COL24A1: variants seen among roughly 807,000 people sequenced by gnomAD.
COL24A1 encodes collagen type XXIV alpha 1 chain.
Under a neutral mutation model 253.9 loss-of-function variants are expected in COL24A1, and 224 were observed. That is an observed-to-expected ratio of 0.88 (90% confidence interval 0.79 to 0.99). The LOEUF is 0.99. Ranked by LOEUF, COL24A1 falls within the 50% of genes least tolerant of loss-of-function variation. COL24A1 has a pLI of 0.00. For synonymous variants in COL24A1, 685 were observed against 673.7 expected, an observed-to-expected ratio of 1.02 and a Z score of -0.26; for missense variants, 2,131 against 2,068.5, an observed-to-expected ratio of 1.03 and a Z score of -0.59.
chr1:86,060,321 T>C (rs1314525049), intron 8 of COL24A1, among the ~76,000 whole-genome samples: 1 of 152,188 alleles, frequency 6.6e-6, no homozygotes, highest in Admixed American at 6.5e-5. Flanking sequence ...GTTGAGCTGA[T>C]GACAACAATG....
intron 28 of COL24A1, among the ~76,000 whole-genome samples, chr1:85,901,487 T>C (rs1341536571): frequency 3.9e-5 from 6 of 151,978 alleles, no homozygotes; most frequent in Non-Finnish European, 8.8e-5. Context: ...ATAGCCACTA[T>C]GGAAAAGAGT....
chr1:86,153,450 T>TAA (rs1003347181), intron 1 of COL24A1, among the ~76,000 whole-genome samples: 1 of 152,220 alleles, frequency 6.6e-6, no homozygotes, highest in Non-Finnish European at 1.5e-5. Context: ...AATGACAGAA[T>TAA]AATGTTAGCC....
intron 11 of COL24A1, among the ~76,000 whole-genome samples, chr1:86,048,349 T>C (rs1015211814): frequency 2.0e-5 from 3 of 152,186 alleles, no homozygotes; most frequent in Non-Finnish European, 4.4e-5. Flanking sequence ...ACTTAAACAT[T>C]TTATAACGTA....
chr1:85,956,856 A>G (rs1349757753), intron 24 of COL24A1, among the ~76,000 whole-genome samples: 1 of 152,186 alleles, frequency 6.6e-6, no homozygotes, highest in African/African-American at 2.4e-5. Flanking sequence ...TATCCTACTC[A>G]TGAAGAAAGC....
chr1:86,134,384 C>A (rs1649863995), intron 2 of COL24A1, among the ~76,000 whole-genome samples: 1 of 151,766 alleles, frequency 6.6e-6, no homozygotes, highest in Non-Finnish European at 1.5e-5. Context: ...TTCTTGCTTT[C>A]TGCTAGCTTT....
At chr1:85,866,032 G>C (rs1679752941) in intron 37 of COL24A1, among the ~76,000 whole-genome samples, 1 of 152,156 alleles carries the variant, frequency 6.6e-6, no homozygotes, top group Non-Finnish European at 1.5e-5. Flanking sequence ...GGAGGCCAAA[G>C]TAGGGGGATC....
intron 12 of COL24A1, among the ~76,000 whole-genome samples, chr1:86,039,117 G>A (rs1257850395): frequency 6.6e-6 from 1 of 150,874 alleles, no homozygotes; most frequent in African/African-American, 2.5e-5. Flanking sequence ...AATGACAGAG[G>A]CACTCAAGTA....
At position 85,823,576 on chromosome 1, in the gene COL24A1, T is replaced by A; in HGVS notation, c.3749A>T (p.Asp1250Val). ...TCCTTTTAGTCCTTGTTCACCCTGG[T>A]CACCTGGTTCGCCCTTTAGTAGAAA... ...GQQGPPGEPG[D>V]QGEQGLKGER... The change falls in exon 45 of 60, where the codon GAC (aspartate) becomes GTC (valine). Residue 1250 changes from aspartate (D) to valine (V), a missense_variant. Coordinates refer to ENST00000370571, the MANE Select transcript of COL24A1 (RefSeq NM_152890.7). 1 of 1,614,030 alleles carries A rather than the reference T, an allele frequency of 6.2e-7. No individual in the cohort carries two copies. The highest frequency in any genetic ancestry group is 8.5e-7 in the Non-Finnish European group (1 of 1,179,938).
chr1:85,787,228 G>A (rs994906476), intron 47 of COL24A1, among the ~76,000 whole-genome samples: 5 of 151,470 alleles, frequency 3.3e-5, no homozygotes, highest in South Asian at 4.2e-4. Context: ...TTAAGTTTCC[G>A]GGTACATGCG....
rs534428849 is a variant in COL24A1, at chr1:86,151,645, C to T, written c.56+4696G>A. On this transcript the variant is annotated intron_variant, in intron 1 of 59. Coordinates refer to ENST00000370571, the MANE Select transcript of COL24A1 (RefSeq NM_152890.7). ...ACTCAGAACATGTAAATGACTAATACCCATTCCAGGCATCGTTCCTAGATG... is the reference window on the plus strand; with the variant it reads ...ACTCAGAACATGTAAATGACTAATATCCATTCCAGGCATCGTTCCTAGATG... 1.4e-4 allele frequency among the ~76,000 whole-genome samples: 22 copies of T among 152,252 alleles called. No individual in the cohort carries two copies. In the South Asian group the frequency reaches 4.1e-3, roughly 29 times the overall value.
At chr1:86,143,306 A>T (rs914025819) in intron 2 of COL24A1, among the ~76,000 whole-genome samples, 4 of 152,210 alleles carry the variant, frequency 2.6e-5, no homozygotes, top group African/African-American at 4.8e-5. Flanking sequence ...ATGCAGAAGG[A>T]ATATCTCCAA....
chr1:85,735,104 T>G, intron 58 of COL24A1, 140 bp from the exon 59 acceptor site: 1 of 696,268 alleles, frequency 1.4e-6, no homozygotes, highest in Admixed American at 2.7e-5. Flanking sequence ...GTCAGTGGTG[T>G]GCTGGTAAAT....
chr1:86,043,563 C>G (rs760074924), intron 12 of COL24A1, among the ~76,000 whole-genome samples: 7 of 151,728 alleles, frequency 4.6e-5, no homozygotes, highest in African/African-American at 7.3e-5. Flanking sequence ...GAGTCTCGCT[C>G]TGTTGCCAGG....
intron 43 of COL24A1, among the ~76,000 whole-genome samples, chr1:85,835,200 A>ACCTCTG (rs149535934): frequency 0.35 from 52,737 of 151,272 alleles, 10,014 homozygotes; most frequent in Non-Finnish European, 0.43. Flanking sequence ...GCTCACTGCA[A>ACCTCTG]CCTCTGCCTC....
In COL24A1 at chr1:85,737,388, T is replaced by C; in HGVS notation, c.4782+8A>G. 1.9e-6 allele frequency: 3 copies of C among 1,594,382 alleles called. No individual in the cohort carries two copies. Among genetic ancestry groups the C allele is most frequent in the Non-Finnish European group, 2.6e-6 (3 of 1,164,656 alleles). ...TAACGACATGTGTTCTAAAATTCAG[T>C]AACATACCTTTGTTACAGAAACAGG... On this transcript the variant is annotated splice_region_variant and intron_variant, in intron 58 of 59. Coordinates refer to ENST00000370571, the MANE Select transcript of COL24A1 (RefSeq NM_152890.7).
chr1:85,801,813 C>A (rs769223253), intron 47 of COL24A1, among the ~76,000 whole-genome samples: 4 of 152,232 alleles, frequency 2.6e-5, no homozygotes, highest in Non-Finnish European at 4.4e-5. Flanking sequence ...AATATCTCCA[C>A]TTGAATGTCA....
intron 31 of COL24A1, among the ~76,000 whole-genome samples, chr1:85,893,634 T>C (rs1683361659): frequency 6.6e-6 from 1 of 152,148 alleles, no homozygotes; most frequent in African/African-American, 2.4e-5. Context: ...AAGTATTGTA[T>C]AGGAAACAGT....
intron 53 of COL24A1, among the ~76,000 whole-genome samples, chr1:85,761,882 C>T (rs1434783056): frequency 6.6e-6 from 1 of 152,056 alleles, no homozygotes; most frequent in African/African-American, 2.4e-5. Context: ...TTTCTAACTA[C>T]CATCCACCTA....
At chr1:85,912,569 G>C (rs1193040018) in intron 24 of COL24A1, among the ~76,000 whole-genome samples, 1 of 152,128 alleles carries the variant, frequency 6.6e-6, no homozygotes, top group Non-Finnish European at 1.5e-5. Flanking sequence ...CATTGAGCAT[G>C]ATTTTACCCT....
Sources: allele counts gnomAD v4.1 joint callset (sites outside exome capture counted in the v4.1 genomes callset), GRCh38; gene constraint gnomAD v4.1.1; transcripts MANE v1.5; gene names NCBI Gene and HGNC (gene_info 2026-07-23, HGNC 2026-07-21).